Variants in LRP2 observed in about 807,000 individuals in gnomAD.
The protein encoded by LRP2 is LDL receptor related protein 2.
Under a neutral mutation model 531.0 loss-of-function variants are expected in LRP2, and 172 were observed. The ratio of observed to expected loss-of-function variants is 0.32; its 90% CI spans 0.29 to 0.37. LRP2 has a LOEUF of 0.37. LRP2 is among the 10% of genes least tolerant of loss of function. The pLI is 1.00. For missense variants in LRP2, 5,167 were observed against 5,868.3 expected (o/e 0.88, Z 3.90); for synonymous variants, 1,992 against 2,027.6 (o/e 0.98, Z 0.47).
chr2:169,244,715 A>G lies in LRP2; in HGVS notation c.3408T>C (p.Asp1136=), dbSNP rs1196573930. Residue 1136 remains aspartate, a synonymous_variant, in exon 22 of 79, where the codon GAT becomes GAC. Coordinates refer to ENST00000649046, the MANE Select transcript of LRP2 (RefSeq NM_004525.3). Reference sequence around the variant, plus strand: ...TACTGCAGTTCTTTTCATCAGATCCATCCCCACAATCATTGTCTGTGTCAC... The same window carrying G: ...TACTGCAGTTCTTTTCATCAGATCCGTCCCCACAATCATTGTCTGTGTCAC... ...WVCDTDNDCG[D]GSDEKNCNST... is the part of the protein sequence containing the mutation. The G allele has an allele frequency of 1.2e-6, 2 of 1,614,270 alleles. No homozygotes were observed. The highest frequency in any genetic ancestry group is 1.7e-5 in the Admixed American group (1 of 60,028).
At position 169,239,532 on chromosome 2, in the gene LRP2, A is replaced by G. The variant is rs968089319; in HGVS notation, c.4289T>C (p.Val1430Ala). The G allele has an allele frequency of 1.9e-6, 3 of 1,614,056 alleles. No homozygotes were observed. Among genetic ancestry groups the G allele is most frequent in the Non-Finnish European group, 2.5e-6 (3 of 1,179,928 alleles). ...MLESDGRTCKVTASESLLLLV... is the reference protein window; with the variant it reads ...MLESDGRTCKATASESLLLLV... ...CGGGTTAGTTCAGCAATTACCTGTA[A>G]CTTTGCAAGTCCTCCCATCACTTTC... The change falls in exon 26 of 79, where the codon GTT becomes GCT. Residue 1430 changes from valine (V) to alanine (A), a missense_variant. Transcript: ENST00000649046.
At chr2:169,234,334 C>A (rs908679039) in intron 29 of LRP2, among the ~76,000 whole-genome samples, 1 of 151,992 alleles carries the variant, frequency 6.6e-6, no homozygotes, top group African/African-American at 2.4e-5. Context: ...GTGTGATGTT[C>A]CCCTCCCTGT....
At chr2:169,215,833 AT>A (rs141359054) in intron 35 of LRP2, among the ~76,000 whole-genome samples, 2,708 of 148,782 alleles carry the variant, frequency 0.018, 81 homozygotes, top group African/African-American at 0.06. Context: ...CATACTCTAT[AT>A]TTTTTATATA....
At chr2:169,225,687 T>C (rs957323541) in intron 32 of LRP2, among the ~76,000 whole-genome samples, 5 of 152,240 alleles carry the variant, frequency 3.3e-5, no homozygotes, top group Non-Finnish European at 7.3e-5. Flanking sequence ...GCTACAGAGA[T>C]AGTTCTTAAC....
intron 76 of LRP2, among the ~76,000 whole-genome samples, chr2:169,135,392 C>T (rs1488571110): frequency 6.6e-6 from 1 of 152,150 alleles, no homozygotes; most frequent in East Asian, 1.9e-4. Flanking sequence ...TAGGAAGAGG[C>T]CTTTCCCACA....
In LRP2 at chr2:169,168,620, G is replaced by C. The variant is rs747599660; in HGVS notation, c.11554C>G (p.His3852Asp). Residue 3852 changes from histidine (H) to aspartate (D), a missense_variant, in exon 61 of 79, where the codon CAT (histidine) becomes GAT (aspartate). Physicochemically the swap from His to Asp is moderately conservative, Grantham distance 81. Around this residue, in one of 6 missense-constraint regions of LRP2, gnomAD observed 564 missense variants for 747.7 expected, o/e 0.75. Coordinates refer to ENST00000649046, the MANE Select transcript of LRP2 (RefSeq NM_004525.3). ...CQATMFECKN[H>D]VCIPPYWKCD... ...TTCCAATATGGCGGGATACAAACAT[G>C]GTTTTTGCATTCGAACATAGTAGCC... 4.1e-5 allele frequency: 66 copies of C among 1,613,934 alleles called. No homozygotes were observed. In the Admixed American group the frequency reaches 1.1e-3, roughly 26 times the overall value.
rs762578615 is a variant in LRP2 at position 169,206,888 on chromosome 2, G to A, written c.6832C>T (p.Pro2278Ser). ...AAAACAGTGATGCCATAAGGAGTTG[G>A]GTAACGACTGCCATAACGAATCACT... ...SEVIRYGSRY[P>S]TPYGITVFEN... Residue 2278 changes from proline (P) to serine (S), a missense_variant, in exon 39 of 79, where the codon CCA becomes TCA. By Grantham distance (74) the Pro-to-Ser change is moderately conservative (BLOSUM62 -1). Around this residue, in one of 6 missense-constraint regions of LRP2, gnomAD observed 2,811 missense variants for 3,058.0 expected, o/e 0.92. Coordinates refer to ENST00000649046, the MANE Select transcript of LRP2 (RefSeq NM_004525.3). 1.2e-6 allele frequency: 2 copies of A among 1,614,084 alleles called. No individual in the cohort carries two copies. The highest frequency in any genetic ancestry group is 1.1e-5 in the South Asian group (1 of 91,072).
rs830960 is a variant in LRP2 at position 169,256,886 on chromosome 2, C to T, written c.2639+238G>A. Among the ~76,000 whole-genome samples, 80,756 of 151,904 alleles carry T rather than the reference C, an allele frequency of 0.53. 22,214 individuals are homozygous for T. The highest frequency in any genetic ancestry group is 0.75 in the South Asian group (3,595 of 4,816). On this transcript the variant is annotated intron_variant, in intron 18 of 78. Transcript: ENST00000649046. ...AATCTTGTCATTCAGCTTTCTCTAGCAATTTTCTCAGAATACTCATGAATT... is the reference window on the plus strand; with the variant it reads ...AATCTTGTCATTCAGCTTTCTCTAGTAATTTTCTCAGAATACTCATGAATT...
intron 4 of LRP2, among the ~76,000 whole-genome samples, chr2:169,300,908 T>C (rs911999150): frequency 2.1e-4 from 32 of 152,096 alleles, no homozygotes. Context: ...TTTAACCATC[T>C]TTTTATTCCC....
intron 1 of LRP2, among the ~76,000 whole-genome samples, chr2:169,342,669 T>A (rs1047752442): frequency 2.6e-5 from 4 of 152,202 alleles, no homozygotes; most frequent in Admixed American, 6.6e-5. Context: ...TCAGGTCTAG[T>A]TGACTACATC....
At chr2:169,277,193 CA>C (rs5836227) in intron 13 of LRP2, among the ~76,000 whole-genome samples, 53,352 of 87,858 alleles carry the variant, frequency 0.61, 12,846 homozygotes, top group East Asian at 0.79. Flanking sequence ...GACTCCATCT[CA>C]AAAAAAAAAA....
intron 3 of LRP2, among the ~76,000 whole-genome samples, chr2:169,316,831 G>C (rs1254634247): frequency 6.6e-6 from 1 of 152,106 alleles, no homozygotes; most frequent in Non-Finnish European, 1.5e-5. Flanking sequence ...GGGCTGAGTA[G>C]AAGAGGAAAA....
chr2:169,212,314 A>G (rs1009398474), intron 36 of LRP2, 107 bp from the exon 37 acceptor site: 7 of 1,407,612 alleles, frequency 5.0e-6, no homozygotes, highest in Non-Finnish European at 5.0e-6. Context: ...AAAATTAATA[A>G]CCAACATATA....
Position 169,168,528 on chromosome 2 carries a change from C to T in LRP2, c.11635+11G>A, listed in dbSNP as rs1214634176. The T allele has an allele frequency of 1.9e-6, 3 of 1,614,038 alleles. No homozygotes were observed. In the South Asian group the frequency reaches 3.3e-5, roughly 18 times the overall value. On this transcript the variant is annotated intron_variant, in intron 61 of 78. Coordinates refer to ENST00000649046, the MANE Select transcript of LRP2 (RefSeq NM_004525.3). ...CACCACTCCCATTCACTCCGTTTCT[C>T]TCCCTCTTACAGCACAGGTGAAGTT...
Position 169,185,497 on chromosome 2 carries a change from T to G in LRP2, c.9845+6A>C. On this transcript the variant is annotated splice_donor_region_variant and intron_variant, in intron 50 of 78. Coordinates refer to ENST00000649046, the MANE Select transcript of LRP2 (RefSeq NM_004525.3). ...ACTTTTAAAAAGCTCATCAGTGTTT[T>G]CTTACCTGGAAACCCAGTCTACAGC... 6.2e-7 allele frequency: 1 copy of G among 1,613,046 alleles called. No homozygotes were observed. The highest frequency in any genetic ancestry group is 8.5e-7 in the Non-Finnish European group (1 of 1,179,958).
chr2:169,344,921 G>C (rs768193255), intron 1 of LRP2, among the ~76,000 whole-genome samples: 1 of 152,172 alleles, frequency 6.6e-6, no homozygotes, highest in Non-Finnish European at 1.5e-5. Context: ...AAGAGCAAGA[G>C]TGGCAGGCAG....
chr2:169,193,908 G>C lies in LRP2; in HGVS notation c.8699-16C>G. ...TCAGAGTGACCTGAAAAGATCAATA[G>C]CATTCTCAGTGAAAAAAAGTGGTTT... On this transcript the variant is annotated splice_polypyrimidine_tract_variant and intron_variant, in intron 46 of 78. Transcript: ENST00000649046. 1 of 1,614,096 alleles carries C rather than the reference G, an allele frequency of 6.2e-7. No homozygotes were observed. Among genetic ancestry groups the C allele is most frequent in the Non-Finnish European group, 8.5e-7 (1 of 1,179,982 alleles).
intron 1 of LRP2, among the ~76,000 whole-genome samples, chr2:169,321,456 C>T (rs1684906257): frequency 2.1e-5 from 3 of 145,690 alleles, no homozygotes; most frequent in African/African-American, 7.6e-5. Context: ...AACAGAGTTA[C>T]ATATGCAAAA....
chr2:169,255,194 C>T (rs1158827858), intron 19 of LRP2, among the ~76,000 whole-genome samples: 1 of 152,114 alleles, frequency 6.6e-6, no homozygotes, highest in Non-Finnish European at 1.5e-5. Flanking sequence ...AAACATGACC[C>T]CTCTAACTGG....
Sources: gnomAD v4.1 joint callset for allele counts (sites outside exome capture counted in the v4.1 genomes callset) on GRCh38, gnomAD v4.1.1 for gene constraint, gnomAD v4.1.1 regional missense constraint, MANE v1.5 for transcripts, NCBI Gene and HGNC (gene_info 2026-07-23, HGNC 2026-07-21) for gene names.